ICAM1: variants seen among roughly 807,000 people sequenced by gnomAD.
The protein encoded by ICAM1 is intercellular adhesion molecule 1.
In ICAM1, 28 loss-of-function variants were observed where a neutral mutation model predicts 42.3. The observed-to-expected ratio is 0.66, with a 90% confidence interval of 0.49 to 0.91. The LOEUF (loss-of-function observed/expected upper bound fraction) is 0.91, where lower values mean the gene tolerates loss of function less well. ICAM1 is among the 40% of genes least tolerant of loss of function. The pLI is 0.00. For synonymous variants in ICAM1, 304 were observed against 305.9 expected, an observed-to-expected ratio of 0.99 and a Z score of 0.07; for missense variants, 637 against 688.6, an observed-to-expected ratio of 0.93 and a Z score of 0.84.
rs1692180351 is a variant in ICAM1 at position 10,284,330 on chromosome 19, G to A, written c.925+10G>A. ...ACAGTGACCATCTACAGTAAGAAGG[G>A]GCAGGGGCGGAGTGGGGCTTCTTGG... On this transcript the variant is annotated intron_variant, in intron 4 of 6. Coordinates refer to ENST00000264832, the MANE Select transcript of ICAM1 (RefSeq NM_000201.3). This position sits in a 1 kb window ranked among gnomAD's most constrained non-coding sequence, Gnocchi z 5.4. The A allele has an allele frequency of 1.2e-6, 2 of 1,612,830 alleles. No homozygotes were observed. Among genetic ancestry groups the A allele is most frequent in the African/African-American group, 1.3e-5 (1 of 75,048 alleles).
intron 2 of ICAM1, among the ~76,000 whole-genome samples, chr19:10,280,029 C>T (rs1009248375): frequency 6.6e-6 from 1 of 152,134 alleles, no homozygotes; most frequent in African/African-American, 2.4e-5. Context: ...TTACTGGAAG[C>T]CAATGAGCAG....
At position 10,284,009 on chromosome 19, in the gene ICAM1, C is replaced by A; in HGVS notation, c.638-24C>A. The A allele has an allele frequency of 6.2e-7, 1 of 1,604,242 alleles. No homozygotes were observed. The highest frequency in any genetic ancestry group is 8.5e-7 in the Non-Finnish European group (1 of 1,173,370). On this transcript the variant is annotated intron_variant, in intron 3 of 6. Coordinates refer to ENST00000264832, the MANE Select transcript of ICAM1 (RefSeq NM_000201.3). The surrounding 1 kb of genome is among the most constrained non-coding windows in gnomAD (Gnocchi z 5.4). ...GCTTCGGGACGTCCATCCCTGTCTG[C>A]TCACACCTTTCTTCTCTCCCTAGTC...
chr19:10,273,675 G>A (rs1294425757), intron 1 of ICAM1, among the ~76,000 whole-genome samples: 1 of 150,630 alleles, frequency 6.6e-6, no homozygotes, highest in Non-Finnish European at 1.5e-5. Flanking sequence ...AAAAAAAAAA[G>A]TGATGGCTAA....
At chr19:10,278,547 T>TC (rs2040032277) in intron 2 of ICAM1, among the ~76,000 whole-genome samples, 1 of 76,132 alleles carries the variant, frequency 1.3e-5, no homozygotes, top group Non-Finnish European at 2.7e-5. Context: ...GCCTGATAGG[T>TC]CTTTTTTTTT....
Position 10,283,934 on chromosome 19 carries a change from G to T in ICAM1, c.638-99G>T, listed in dbSNP as rs564245056. ...CGTATGTGACCTAGGCTGCTGAGTG[G>T]CCCTGGAAGAGGATCTCGCAGGAGG... On this transcript the variant is annotated intron_variant, in intron 3 of 6. Transcript: ENST00000264832. 13 of 1,476,164 alleles carry T rather than the reference G, an allele frequency of 8.8e-6. No individual in the cohort carries two copies. The Admixed American group carries it at 2.1e-4, about 24-fold the overall frequency. 91.4% of individuals were successfully genotyped at this position (1,476,164 alleles called of 1,614,324 possible). A position where few individuals can be genotyped will look rare whatever the true frequency, so the allele number is the denominator to read the frequency against.
Position 10,285,118 on chromosome 19 carries a change from C to A in ICAM1, c.1430C>A (p.Pro477His), listed in dbSNP as rs763594216. 1.2e-6 allele frequency: 2 copies of A among 1,614,158 alleles called. No individual in the cohort carries two copies. Among genetic ancestry groups the A allele is most frequent in the Non-Finnish European group, 1.7e-6 (2 of 1,180,034 alleles). Residue 477 changes from proline (P) to histidine (H), a missense_variant, in exon 7 of 7, where the codon CCC (proline) becomes CAC (histidine). Pro to His is a moderately conservative substitution (Grantham distance 77). Transcript: ENST00000264832. ...TRKVTVNVLS[P>H]RYEIVIITVV... ...GCCTGTTGTATCCTCCCCACAGCCC[C>A]CCGGTATGAGATTGTCATCATCACT...
chr19:10,282,434 G>A (rs1324301822), intron 2 of ICAM1: 3 of 152,154 alleles, frequency 2.0e-5, no homozygotes, highest in African/African-American at 7.2e-5. Flanking sequence ...TTTTAATAGA[G>A]ACGGGGTTTC....
At chr19:10,274,658 ATTGTC>A in intron 1 of ICAM1, 102 bp from the exon 2 acceptor site, 1 of 1,274,520 alleles carries the variant, frequency 7.8e-7, no homozygotes, top group Non-Finnish European at 1.1e-6. Context: ...AAGGCAAAGT[ATTGTC>A]TTGTTAAGGC....
At chr19:10,277,220 G>A (rs1302185557) in intron 2 of ICAM1, among the ~76,000 whole-genome samples, 2 of 151,948 alleles carry the variant, frequency 1.3e-5, no homozygotes, top group Admixed American at 1.3e-4. Context: ...CACTCTTGTT[G>A]CCCAGGCTGG....
chr19:10,277,065 T>C (rs1386784197), intron 2 of ICAM1, among the ~76,000 whole-genome samples: 2 of 152,026 alleles, frequency 1.3e-5, no homozygotes, highest in Non-Finnish European at 2.9e-5. Context: ...TCGGGGAGGC[T>C]GTATTTATGT....
At chr19:10,277,892 A>G (rs971604081) in intron 2 of ICAM1, among the ~76,000 whole-genome samples, 1 of 152,218 alleles carries the variant, frequency 6.6e-6, no homozygotes, top group African/African-American at 2.4e-5. Flanking sequence ...AAATCAAAGA[A>G]GAAAAAACAG....
At chr19:10,272,932 C>G (rs551966048) in intron 1 of ICAM1, among the ~76,000 whole-genome samples, 1 of 152,222 alleles carries the variant, frequency 6.6e-6, no homozygotes, top group East Asian at 1.9e-4. Context: ...TATACTCACC[C>G]ACCTTACAGA....
chr19:10,279,250 T>C (rs1599267325), intron 2 of ICAM1, among the ~76,000 whole-genome samples: 2 of 151,218 alleles, frequency 1.3e-5, no homozygotes, highest in Non-Finnish European at 3.0e-5. Context: ...GAGGAGGAGG[T>C]AGGTTGGTGT....
chr19:10,272,135 A>C (rs1426049211), intron 1 of ICAM1, among the ~76,000 whole-genome samples: 1 of 152,010 alleles, frequency 6.6e-6, no homozygotes, highest in Non-Finnish European at 1.5e-5. Context: ...AAAATACAAA[A>C]ATTAGCTGGC....
chr19:10,276,910 G>C (rs954536726), intron 2 of ICAM1, among the ~76,000 whole-genome samples: 3 of 151,458 alleles, frequency 2.0e-5, no homozygotes, highest in Non-Finnish European at 4.4e-5. Flanking sequence ...GGGAGGCAGA[G>C]GTTGCGGTGA....
rs1431740611 is a variant in ICAM1, at chr19:10,283,672, G to A, written c.523G>A (p.Val175Met). Reference protein sequence around the residue: ...EPAEVTTTVLVRRDHHGANFS... With the variant: ...EPAEVTTTVLMRRDHHGANFS... ...CGCTGAGGTCACGACCACGGTGCTG[G>A]TGAGGAGAGATCACCATGGAGCCAA... The change falls in exon 3 of 7, where the codon GTG becomes ATG. Residue 175 changes from valine to methionine, a missense_variant. Transcript: ENST00000264832. 6.2e-7 allele frequency: 1 copy of A among 1,614,018 alleles called. No homozygotes were observed. The highest frequency in any genetic ancestry group is 2.2e-5 in the East Asian group (1 of 44,888).
In ICAM1 at chr19:10,284,697, G is replaced by A; in HGVS notation, c.1180+40G>A. 1 of 1,612,690 alleles carries A rather than the reference G, an allele frequency of 6.2e-7. No individual in the cohort carries two copies. The highest frequency in any genetic ancestry group is 8.5e-7 in the Non-Finnish European group (1 of 1,179,472). ...TGGTCAATGGCCCCTATCCCCCAAG[G>A]CCCAATCTCCCTGAAGGTCCCATAA... On this transcript the variant is annotated intron_variant, in intron 5 of 6. Coordinates refer to ENST00000264832, the MANE Select transcript of ICAM1 (RefSeq NM_000201.3). The surrounding 1 kb of genome is among the most constrained non-coding windows in gnomAD (Gnocchi z 5.4).
intron 1 of ICAM1, among the ~76,000 whole-genome samples, chr19:10,272,431 T>C (rs575182236): frequency 1.3e-5 from 2 of 152,030 alleles, no homozygotes; most frequent in African/African-American, 2.4e-5. Context: ...CCATCCAAGA[T>C]AGAACAAATC....
chr19:10,273,219 G>A (rs186877564), intron 1 of ICAM1, among the ~76,000 whole-genome samples: 2 of 151,936 alleles, frequency 1.3e-5, no homozygotes, highest in Non-Finnish European at 2.9e-5. Context: ...AGGGCCAGGC[G>A]CGGTGGCTCA....
Sources: gnomAD v4.1 joint callset for allele counts (sites outside exome capture counted in the v4.1 genomes callset) on GRCh38, gnomAD v4.1.1 for gene constraint, Gnocchi (gnomAD v3.1) non-coding constraint, MANE v1.5 for transcripts, NCBI Gene and HGNC (gene_info 2026-07-23, HGNC 2026-07-21) for gene names.